GBP3: variants seen among roughly 807,000 people sequenced by gnomAD.
GBP3 encodes guanylate-binding protein 3.
A neutral mutation model predicts 62.4 loss-of-function variants in GBP3; 55 were observed. That is an observed-to-expected ratio of 0.88 (90% confidence interval 0.71 to 1.10). The LOEUF (loss-of-function observed/expected upper bound fraction) is 1.10. GBP3 is among the 50% of genes least tolerant of loss of function. The probability of loss-of-function intolerance (pLI) is 0.00; values close to 1 mark genes in which losing one functional copy is unlikely to be tolerated. For synonymous variants in GBP3, 208 were observed against 259.2 expected, an observed-to-expected ratio of 0.80 and a Z score of 1.90; for missense variants, 605 against 690.6, an observed-to-expected ratio of 0.88 and a Z score of 1.39.
At chr1:89,016,783 C>T (rs910371143) in intron 2 of GBP3, among the ~76,000 whole-genome samples, 1 of 152,154 alleles carries the variant, frequency 6.6e-6, no homozygotes, top group Non-Finnish European at 1.5e-5. Context: ...CCGTGTTGTC[C>T]AAGTTGGTCT....
At chr1:89,012,106 T>G in intron 6 of GBP3, 79 bp from the exon 7 acceptor site, 1 of 1,277,626 alleles carries the variant, frequency 7.8e-7, no homozygotes, top group Non-Finnish European at 1.1e-6. Flanking sequence ...ACATGTCAAT[T>G]TCCACCTATT....
chr1:89,016,544 C>T (rs554795211), intron 2 of GBP3, among the ~76,000 whole-genome samples: 9 of 152,146 alleles, frequency 5.9e-5, no homozygotes, highest in South Asian at 2.1e-4. Context: ...ACCCAAAAAA[C>T]GTAACCATAG....
Position 89,022,671 on chromosome 1 carries a change from T to C in GBP3, c.-23+13A>G, listed in dbSNP as rs1679312444. On this transcript the variant is annotated intron_variant, in intron 1 of 10. Coordinates refer to ENST00000370481, the MANE Select transcript of GBP3 (RefSeq NM_018284.3). Reference sequence around the variant, plus strand: ...TACTTCAGAGCTGGAGAGGAAGCAATAGGAGTTCTTACCTGTGCTTTTATC... The same window carrying C: ...TACTTCAGAGCTGGAGAGGAAGCAACAGGAGTTCTTACCTGTGCTTTTATC... The C allele has an allele frequency of 6.6e-6, 1 of 152,178 alleles. No homozygotes were observed. The highest frequency in any genetic ancestry group is 2.4e-5 in the African/African-American group (1 of 41,450). The allele number at this position is 152,178 out of a possible 1,614,324, so 9.4% of individuals were successfully genotyped here. A position where few individuals can be genotyped will look rare whatever the true frequency, so the allele number is the denominator to read the frequency against.
intron 10 of GBP3, among the ~76,000 whole-genome samples, chr1:89,008,422 G>C (rs1425706224): frequency 6.7e-6 from 1 of 149,402 alleles, no homozygotes; most frequent in Non-Finnish European, 1.5e-5. Context: ...AAACAGGCAG[G>C]AGTGGTAGAC....
intron 3 of GBP3, 87 bp downstream of exon 3, chr1:89,015,200 C>A: frequency 7.5e-7 from 1 of 1,339,180 alleles, no homozygotes; most frequent in Non-Finnish European, 1.0e-6. Flanking sequence ...TAGTTAAATG[C>A]AAACTCTTCT....
rs1396678048 is a variant in GBP3 at position 89,010,796 on chromosome 1, G to C, written c.1362+108C>G. The C allele has an allele frequency of 1.5e-6, 2 of 1,321,964 alleles. 1 individual carries two copies. The highest frequency in any genetic ancestry group is 2.2e-6 in the Non-Finnish European group (2 of 928,946). 81.9% of individuals were successfully genotyped at this position (1,321,964 alleles called of 1,614,324 possible). On this transcript the variant is annotated intron_variant, in intron 8 of 10. Coordinates refer to ENST00000370481, the MANE Select transcript of GBP3 (RefSeq NM_018284.3). ...TATGTTATTGAATGAAAGCATGAAT[G>C]TTATACAGACAAAAAAGCACATCTG...
At chr1:89,013,641 T>C (rs913997827) in intron 5 of GBP3, 2 of 556,028 alleles carry the variant, frequency 3.6e-6, no homozygotes, top group African/African-American at 1.9e-5. Flanking sequence ...GCAGGCAGAA[T>C]TGGCCATCAT....
In GBP3 at chr1:89,014,643, T is replaced by A; in HGVS notation, c.332A>T (p.Asn111Ile). 6.2e-7 allele frequency: 1 copy of A among 1,614,076 alleles called. No homozygotes were observed. The highest frequency in any genetic ancestry group is 8.5e-7 in the Non-Finnish European group (1 of 1,179,956). Reference protein sequence around the residue: ...LGDVKKGDNQNDSWIFTLAVL... With the variant: ...LGDVKKGDNQIDSWIFTLAVL... ...GGCCAGGGTGAAGATCCAGGAGTCA[T>A]TCTGGTTGTCACCCTGGAAGTCAAG... The change falls in exon 4 of 11, where the codon AAT becomes ATT. Residue 111 changes from asparagine to isoleucine, a missense_variant. By Grantham distance (149) the Asn-to-Ile change is moderately radical. Coordinates refer to ENST00000370481, the MANE Select transcript of GBP3 (RefSeq NM_018284.3).
chr1:89,013,748 C>A, intron 5 of GBP3: 2 of 391,720 alleles, frequency 5.1e-6, no homozygotes, highest in Non-Finnish European at 9.1e-6. Context: ...TCATATTTTA[C>A]AGGTAAATAC....
At chr1:89,014,931 C>T (rs1177229360) in intron 3 of GBP3, among the ~76,000 whole-genome samples, 2 of 152,174 alleles carry the variant, frequency 1.3e-5, no homozygotes, top group Non-Finnish European at 2.9e-5. Context: ...AATGGGCATT[C>T]TAAGGCCTGA....
At position 89,012,086 on chromosome 1, in the gene GBP3, G is replaced by GTA. The variant is rs778052950; in HGVS notation, c.869-61_869-60dup. On this transcript the variant is annotated intron_variant, in intron 6 of 10. Coordinates refer to ENST00000370481, the MANE Select transcript of GBP3 (RefSeq NM_018284.3). ...TACTAAAGAAAACTCTCTATTCTGT[G>GTA]TAATTCTGAACATGTCAATTTCCAC... The GTA allele has an allele frequency of 1.4e-5, 19 of 1,360,300 alleles. 4 individuals carry two copies. The highest frequency in any genetic ancestry group is 1.8e-5 in the Non-Finnish European group (18 of 976,098). The allele number at this position is 1,360,300 out of a possible 1,614,324, so 84.3% of individuals were successfully genotyped here. A position where few individuals can be genotyped will look rare whatever the true frequency, so the allele number is the denominator to read the frequency against.
intron 2 of GBP3, among the ~76,000 whole-genome samples, chr1:89,019,098 C>G (rs889617505): frequency 6.6e-6 from 1 of 152,226 alleles, no homozygotes; most frequent in African/African-American, 2.4e-5. Context: ...TATGAGCCAT[C>G]AGTTCCACTT....
intron 7 of GBP3, among the ~76,000 whole-genome samples, chr1:89,011,468 A>G (rs553331182): frequency 6.4e-5 from 9 of 140,010 alleles, no homozygotes; most frequent in African/African-American, 2.2e-4. Flanking sequence ...ATATCAAATC[A>G]GTCTGAGAAG....
chr1:89,008,293 T>A (rs1045949007), intron 10 of GBP3, among the ~76,000 whole-genome samples: 1 of 151,584 alleles, frequency 6.6e-6, no homozygotes, highest in Non-Finnish European at 1.5e-5. Context: ...GATCTAAGTC[T>A]CTACTCCCTG....
chr1:89,018,906 G>A (rs1679027289), intron 2 of GBP3, among the ~76,000 whole-genome samples: 1 of 152,188 alleles, frequency 6.6e-6, no homozygotes, highest in African/African-American at 2.4e-5. Flanking sequence ...GTCTGCCTGG[G>A]AACAAAGAGA....
chr1:89,015,605 A>G (rs140165183), intron 2 of GBP3, among the ~76,000 whole-genome samples, 191 bp from the exon 3 acceptor site: 17 of 152,290 alleles, frequency 1.1e-4, no homozygotes, highest in Middle Eastern at 3.4e-3. Context: ...AGGACCTTTC[A>G]TGATAAAAAC....
chr1:89,013,279 A>C lies in GBP3; in HGVS notation c.774T>G (p.Pro258=), dbSNP rs769900550. The stretch of plus-strand genomic sequence containing the variant: ...AGTCTGCTACTTGTTGCACAAATTC[A>C]GGGTCCAGCTCTTCATCTTGTAGTT... ...LEKLQDEELD[P]EFVQQVADFC... is the part of the protein sequence containing the mutation. Residue 258 remains proline (P), a synonymous_variant, in exon 6 of 11, where the codon CCT becomes CCG. Transcript: ENST00000370481. 6.2e-7 allele frequency: 1 copy of C among 1,614,216 alleles called. No homozygotes were observed. Among genetic ancestry groups the C allele is most frequent in the South Asian group, 1.1e-5 (1 of 91,082 alleles).
At chr1:89,008,645 C>T (rs56844260) in intron 10 of GBP3, among the ~76,000 whole-genome samples, 8,534 of 151,654 alleles carry the variant, frequency 0.056, 782 homozygotes, top group African/African-American at 0.2. Context: ...ATAAAGTTCT[C>T]GCTTCATATG....
At chr1:89,016,195 C>T (rs981512494) in intron 2 of GBP3, among the ~76,000 whole-genome samples, 2 of 152,164 alleles carry the variant, frequency 1.3e-5, no homozygotes, top group Admixed American at 1.3e-4. Flanking sequence ...TAACATACCA[C>T]CAAAAGGGCA....
Sources: allele counts gnomAD v4.1 joint callset (sites outside exome capture counted in the v4.1 genomes callset), GRCh38; gene constraint gnomAD v4.1.1; transcripts MANE v1.5; gene names NCBI Gene and HGNC (gene_info 2026-07-23, HGNC 2026-07-21).